PTPRT: variants seen among roughly 807,000 people sequenced by gnomAD.
PTPRT encodes the protein protein tyrosine phosphatase receptor type T.
In PTPRT, 56 loss-of-function variants were observed where a neutral mutation model predicts 176.8. The observed-to-expected ratio is 0.32, with a 90% CI of 0.26 to 0.40. The LOEUF (loss-of-function observed/expected upper bound fraction) is 0.40. Ranked by LOEUF, PTPRT falls within the 10% of genes least tolerant of loss-of-function variation. The probability of loss-of-function intolerance (pLI) is 1.00; values close to 1 mark genes in which losing one functional copy is unlikely to be tolerated. For missense variants in PTPRT, 1,540 were observed against 1,908.2 expected, an observed-to-expected ratio of 0.81 and a Z score of 3.60; for synonymous variants, 783 against 739.0, an observed-to-expected ratio of 1.06 and a Z score of -0.96.
chr20:42,536,918 T>G (rs1170487882), intron 7 of PTPRT, among the ~76,000 whole-genome samples: 1 of 152,158 alleles, frequency 6.6e-6, no homozygotes, highest in South Asian at 2.1e-4. Context: ...TCAAGAGCAT[T>G]TTTTTGCAAT....
intron 7 of PTPRT, among the ~76,000 whole-genome samples, chr20:42,586,625 A>G (rs896812017): frequency 6.6e-6 from 1 of 152,124 alleles, no homozygotes; most frequent in Non-Finnish European, 1.5e-5. Context: ...TAATAATAAC[A>G]TTTTATTGGT....
At chr20:42,879,260 T>C (rs1333519748) in intron 2 of PTPRT, among the ~76,000 whole-genome samples, 1 of 152,192 alleles carries the variant, frequency 6.6e-6, no homozygotes, top group Non-Finnish European at 1.5e-5. Flanking sequence ...AATCAGGGTA[T>C]TGGCAGGGCC....
intron 7 of PTPRT, among the ~76,000 whole-genome samples, chr20:42,563,066 A>G (rs1175367819): frequency 6.6e-6 from 1 of 152,210 alleles, no homozygotes; most frequent in African/African-American, 2.4e-5. Context: ...AAAAATTAAA[A>G]ACATCTCTAT....
intron 1 of PTPRT, among the ~76,000 whole-genome samples, chr20:43,152,593 A>T (rs914319868): frequency 2.0e-5 from 3 of 152,172 alleles, no homozygotes; most frequent in Admixed American, 6.5e-5. Context: ...CCTAATAAAC[A>T]TTTATAAAGT....
chr20:42,389,114 TG>T (rs1157295200), intron 9 of PTPRT, among the ~76,000 whole-genome samples: 5 of 107,930 alleles, frequency 4.6e-5, no homozygotes, highest in African/African-American at 1.8e-4. Context: ...CATCACACAC[TG>T]GGGCCTGTCG....
At chr20:42,897,993 CA>C (rs1266924586) in intron 1 of PTPRT, among the ~76,000 whole-genome samples, 5 of 152,310 alleles carry the variant, frequency 3.3e-5, no homozygotes, top group Non-Finnish European at 7.4e-5. Context: ...TCTCACCAAA[CA>C]AACAAAATGT....
intron 1 of PTPRT, among the ~76,000 whole-genome samples, chr20:42,945,970 T>C (rs1228075433): frequency 1.3e-5 from 2 of 152,168 alleles, no homozygotes; most frequent in Non-Finnish European, 2.9e-5. Flanking sequence ...ATCATATACA[T>C]GGAATCATAC....
In PTPRT at chr20:42,085,817, A is replaced by C. The variant is rs61740451; in HGVS notation, c.3883T>G (p.Cys1295Gly). Residue 1295 changes from cysteine to glycine, a missense_variant, in exon 28 of 31, where the codon TGC becomes GGC. Physicochemically the swap from Cys to Gly is radical, Grantham distance 159. Around this residue, in one of 11 missense-constraint regions of PTPRT, gnomAD observed 342 missense variants for 394.0 expected, o/e 0.87. Coordinates refer to ENST00000373187, the MANE Select transcript of PTPRT (RefSeq NM_007050.6). ...AACTCCACCTGGATGGGCCCATAGC[A>C]CCCGGAGGTCTTCTCAGGCCAGTAC... ...MQYWPEKTSG[C>G]YGPIQVEFVS... 6.2e-7 allele frequency: 1 copy of C among 1,613,620 alleles called. No individual in the cohort carries two copies.
At chr20:42,855,467 CTCCACCCAGGCTGGAGT>C (rs1195292259) in intron 2 of PTPRT, among the ~76,000 whole-genome samples, 2 of 135,762 alleles carry the variant, frequency 1.5e-5, no homozygotes, top group Non-Finnish European at 3.1e-5. Flanking sequence ...CAGAGTCTCA[CTCCACCCAGGCTGGAGT>C]GCTGTGGTAC....
At chr20:42,600,069 G>A (rs2073748456) in intron 7 of PTPRT, among the ~76,000 whole-genome samples, 1 of 152,136 alleles carries the variant, frequency 6.6e-6, no homozygotes, top group African/African-American at 2.4e-5. Context: ...GTCATCATCT[G>A]TCCTGGGGGA....
chr20:42,062,699 C>G, the PTPRT span, among the ~76,000 whole-genome samples: 2 of 152,312 alleles, frequency 1.3e-5, no homozygotes, highest in African/African-American at 4.8e-5. Context: ...TCCCTGCAGG[C>G]AGGCCTGCAC....
At position 42,623,781 on chromosome 20, in the gene PTPRT, C is replaced by T. The variant is rs571266740; in HGVS notation, c.1153+54085G>A. 1.2e-4 allele frequency among the ~76,000 whole-genome samples: 18 copies of T among 151,700 alleles called. No individual in the cohort carries two copies. In the South Asian group the frequency reaches 3.8e-3, roughly 32 times the overall value. Reference sequence around the variant, plus strand: ...CTCCTGATTTTCCTGAACTCTGAGTCCTGGACTTGTGTTCCCACACCCAGC... The same window carrying T: ...CTCCTGATTTTCCTGAACTCTGAGTTCTGGACTTGTGTTCCCACACCCAGC... On this transcript the variant is annotated intron_variant, in intron 7 of 30. Transcript: ENST00000373187.
intron 8 of PTPRT, among the ~76,000 whole-genome samples, chr20:42,460,732 C>T (rs939219727): frequency 6.6e-6 from 1 of 152,120 alleles, no homozygotes; most frequent in Non-Finnish European, 1.5e-5. Context: ...CTCCTTTTTG[C>T]CGCCTTGTGA....
intron 7 of PTPRT, among the ~76,000 whole-genome samples, chr20:42,511,214 G>A (rs1219057618): frequency 6.6e-6 from 1 of 152,162 alleles, no homozygotes; most frequent in East Asian, 1.9e-4. Context: ...CTGGAACTGT[G>A]AGAAATCAAT....
chr20:42,546,419 T>C (rs1347587991), intron 7 of PTPRT, among the ~76,000 whole-genome samples: 1 of 152,058 alleles, frequency 6.6e-6, no homozygotes, highest in Non-Finnish European at 1.5e-5. Flanking sequence ...GACTTAGCTA[T>C]TGTTACAGCT....
At chr20:42,449,743 T>C (rs573193766) in intron 8 of PTPRT, among the ~76,000 whole-genome samples, 2 of 152,338 alleles carry the variant, frequency 1.3e-5, no homozygotes, top group African/African-American at 4.8e-5. Context: ...GCCTTGGCCA[T>C]ATGTTGCAAT....
At chr20:42,456,049 A>G (rs983318958) in intron 8 of PTPRT, among the ~76,000 whole-genome samples, 3 of 152,086 alleles carry the variant, frequency 2.0e-5, no homozygotes, top group Non-Finnish European at 2.9e-5. Context: ...ATCCATGAAC[A>G]TGGTATATCT....
intron 1 of PTPRT, among the ~76,000 whole-genome samples, chr20:43,071,639 G>GC (rs1392023275): frequency 1.3e-5 from 2 of 151,588 alleles, no homozygotes; most frequent in African/African-American, 4.9e-5. Context: ...TACAAAATTA[G>GC]CTGGGCGTGG....
intron 6 of PTPRT, among the ~76,000 whole-genome samples, chr20:42,709,489 G>C (rs1424088024): frequency 6.6e-6 from 1 of 152,152 alleles, no homozygotes; most frequent in Non-Finnish European, 1.5e-5. Context: ...ACCATTATTG[G>C]AAGCTTCCTG....
Sources: allele counts gnomAD v4.1 joint callset (sites outside exome capture counted in the v4.1 genomes callset), GRCh38; gene constraint gnomAD v4.1.1; regional missense constraint gnomAD v4.1.1; transcripts MANE v1.5; gene names NCBI Gene and HGNC (gene_info 2026-07-23, HGNC 2026-07-21).